KLF13: variants seen among roughly 807,000 people sequenced by gnomAD.
KLF13 encodes the protein Krueppel-like factor 13.
Under a neutral mutation model 16.7 loss-of-function variants are expected in KLF13, and 8 were observed. The observed-to-expected ratio is 0.48, with a 90% CI of 0.28 to 0.87. The LOEUF is 0.87. Among genes scored for constraint, KLF13 ranks in the 40% least tolerant of loss-of-function variants. The pLI is 0.10. For synonymous variants in KLF13, 245 were observed against 208.4 expected, an observed-to-expected ratio of 1.18 and a Z score of -1.51; for missense variants, 447 against 452.2, an observed-to-expected ratio of 0.99 and a Z score of 0.10.
At chr15:31,397,366 C>T (rs1474284034) in intron 2 of KLF13, among the ~76,000 whole-genome samples, 3 of 152,260 alleles carry the variant, frequency 2.0e-5, no homozygotes, top group African/African-American at 7.2e-5. Flanking sequence ...GCCCAGAGAG[C>T]CGCCGACCCC....
Position 31,344,345 on chromosome 15 carries a change from C to T in KLF13, c.577+16556C>T, listed in dbSNP as rs751014856. 1.7e-4 allele frequency among the ~76,000 whole-genome samples: 26 copies of T among 152,366 alleles called. No individual in the cohort carries two copies. In the South Asian group the frequency reaches 5.0e-3, roughly 29 times the overall value. ...GGCCTCCTTCACCTGCCTTTTAAGCCAGGGCGTGCTCTGAAAACACGCCAT... is the reference window on the plus strand; with the variant it reads ...GGCCTCCTTCACCTGCCTTTTAAGCTAGGGCGTGCTCTGAAAACACGCCAT... On this transcript the variant is annotated intron_variant, in intron 1 of 1. Coordinates refer to ENST00000307145, the MANE Select transcript of KLF13 (RefSeq NM_015995.4).
intron 1 of KLF13, among the ~76,000 whole-genome samples, chr15:31,370,472 G>A (rs956046448): frequency 2.0e-5 from 3 of 151,274 alleles, no homozygotes; most frequent in Non-Finnish European, 2.9e-5. Flanking sequence ...AGGCTGGAGT[G>A]CAGTGACACA....
chr15:31,406,564 A>T (rs576126660), downstream of KLF13, among the ~76,000 whole-genome samples: 1 of 152,332 alleles, frequency 6.6e-6, no homozygotes, highest in East Asian at 1.9e-4. Context: ...CAGTGTAACC[A>T]ATAACCAATA....
chr15:31,327,921 T>G, intron 1 of KLF13, 132 bp downstream of exon 1: 2 of 1,039,990 alleles, frequency 1.9e-6, no homozygotes, highest in Non-Finnish European at 1.2e-6. Flanking sequence ...GCCTCGCCCC[T>G]TCCCCTGCCG....
In KLF13 at chr15:31,423,128, T is replaced by C. The variant is rs1297486466; in HGVS notation, n.118-12242T>C. ...ATACGTATACGTATATATACGTATA[T>C]ATACGTATACGTATACGTATATATA... is the stretch of plus-strand genomic sequence containing the variant. On this transcript the variant is annotated intron_variant and non_coding_transcript_variant, in intron 1 of 1. Transcript: ENST00000558225. Among the ~76,000 whole-genome samples, 2 of 112,042 alleles carry C rather than the reference T, an allele frequency of 1.8e-5. 1 individual carries two copies. The highest frequency in any genetic ancestry group is 8.8e-5 in the African/African-American group (2 of 22,796). 73.5% of individuals were successfully genotyped at this position (112,042 alleles called of 152,430 possible).
intron 1 of KLF13, among the ~76,000 whole-genome samples, chr15:31,429,956 G>A (rs887507548): frequency 2.0e-5 from 3 of 151,918 alleles, no homozygotes; most frequent in Non-Finnish European, 2.9e-5. Flanking sequence ...GGATGGTCTC[G>A]ATCTCCTGAC....
chr15:31,348,596 T>C (rs1218897120), intron 1 of KLF13, among the ~76,000 whole-genome samples: 1 of 152,054 alleles, frequency 6.6e-6, no homozygotes. Context: ...GCAGCCTGCC[T>C]GCTCTGGCCA....
chr15:31,372,409 A>AT lies in KLF13; in HGVS notation c.*117dup. ...TTGATGCAAAGTCCACGAAAAAACA[A>AT]TTTTTTTCACCTCAGGTGTCAAAGT... On this transcript the variant is annotated 3_prime_UTR_variant, in exon 2 of 2. Coordinates refer to ENST00000307145, the MANE Select transcript of KLF13 (RefSeq NM_015995.4). The AT allele has an allele frequency of 8.3e-7, 1 of 1,203,654 alleles. No homozygotes were observed. Among genetic ancestry groups the AT allele is most frequent in the Non-Finnish European group, 1.1e-6 (1 of 925,404 alleles). 74.6% of individuals were successfully genotyped at this position (1,203,654 alleles called of 1,614,324 possible).
chr15:31,371,564 CAG>C (rs1044637273), intron 1 of KLF13, among the ~76,000 whole-genome samples: 15 of 152,236 alleles, frequency 9.9e-5, no homozygotes, highest in Admixed American at 5.9e-4. Context: ...TGCAGGGGTG[CAG>C]AGTGTGGCTC....
At chr15:31,346,114 G>C (rs556530412) in intron 1 of KLF13, among the ~76,000 whole-genome samples, 1 of 152,024 alleles carries the variant, frequency 6.6e-6, no homozygotes, top group Non-Finnish European at 1.5e-5. Context: ...AGGAGCCCCC[G>C]AGAACCCTGA....
intron 1 of KLF13, among the ~76,000 whole-genome samples, chr15:31,357,888 A>C (rs1211001762): frequency 1.3e-5 from 2 of 151,264 alleles, no homozygotes; most frequent in African/African-American, 4.9e-5. Flanking sequence ...CTGTCTTTCT[A>C]ATTTCTTGCT....
intron 1 of KLF13, among the ~76,000 whole-genome samples, chr15:31,335,967 T>G (rs1393804029): frequency 1.3e-5 from 2 of 152,242 alleles, no homozygotes; most frequent in Non-Finnish European, 2.9e-5. Flanking sequence ...CAGGAGAAAC[T>G]TCTAAAGGTG....
intron 1 of KLF13, among the ~76,000 whole-genome samples, chr15:31,341,260 A>G (rs866888166): frequency 6.6e-6 from 1 of 152,136 alleles, no homozygotes; most frequent in Non-Finnish European, 1.5e-5. Context: ...TTCACTGTGA[A>G]GTGGGTCTGG....
chr15:31,361,443 A>G (rs62037895), intron 1 of KLF13, among the ~76,000 whole-genome samples: 17,061 of 152,170 alleles, frequency 0.11, 1,245 homozygotes, highest in Middle Eastern at 0.18. Flanking sequence ...GTGCAGGCCA[A>G]AAGTAAAAGC....
chr15:31,359,928 T>G (rs796704517), intron 1 of KLF13, among the ~76,000 whole-genome samples: 31 of 152,242 alleles, frequency 2.0e-4, no homozygotes, highest in African/African-American at 6.5e-4. Flanking sequence ...ACCCCGCATG[T>G]TGTGGTCTTG....
At chr15:31,339,828 C>T in intron 1 of KLF13, 1 of 646,580 alleles carries the variant, frequency 1.5e-6, no homozygotes, top group Non-Finnish European at 2.8e-6. Context: ...CCCCCGCCTG[C>T]TGTCTCGTGG....
At position 31,369,625 on chromosome 15, in the gene KLF13, C is replaced by T. The variant is rs574217715; in HGVS notation, c.578-2385C>T. On this transcript the variant is annotated intron_variant, in intron 1 of 1. Transcript: ENST00000307145. Reference sequence around the variant, plus strand: ...CCTTTTGATGGTACTCTCTGGTGCACAAAACTCACTTTCCTCCTGGAATTT... The same window carrying T: ...CCTTTTGATGGTACTCTCTGGTGCATAAAACTCACTTTCCTCCTGGAATTT... Among the ~76,000 whole-genome samples the T allele has an allele frequency of 2.6e-5, 4 of 152,284 alleles. No homozygotes were observed. In the East Asian group the frequency reaches 5.8e-4, roughly 22 times the overall value.
chr15:31,347,996 T>G (rs929689475), intron 1 of KLF13, among the ~76,000 whole-genome samples: 1 of 152,250 alleles, frequency 6.6e-6, no homozygotes, highest in Non-Finnish European at 1.5e-5. Context: ...CCTGGCCTTC[T>G]TGGCCACTCC....
At chr15:31,345,706 GT>G (rs1364148439) in intron 1 of KLF13, among the ~76,000 whole-genome samples, 22 of 152,322 alleles carry the variant, frequency 1.4e-4, no homozygotes, top group African/African-American at 4.6e-4. Flanking sequence ...CCTGGCTGTT[GT>G]GGTTGTGAGG....
Sources: allele counts gnomAD v4.1 joint callset (sites outside exome capture counted in the v4.1 genomes callset), GRCh38; gene constraint gnomAD v4.1.1; transcripts MANE v1.5; gene names NCBI Gene and HGNC (gene_info 2026-07-23, HGNC 2026-07-21).